The following LEF1 variants were observed in gnomAD, a reference collection of about 807,000 sequenced individuals.
LEF1 encodes lymphoid enhancer-binding factor 1.
LEF1 carries 14 observed loss-of-function variants against 51.2 expected under a neutral mutation model. The observed-to-expected ratio is 0.27, with a 90% CI of 0.18 to 0.43. The LOEUF (loss-of-function observed/expected upper bound fraction) is 0.43. Among genes scored for constraint, LEF1 ranks in the 20% least tolerant of loss-of-function variants. LEF1 has a pLI of 1.00. For synonymous variants in LEF1, 185 were observed against 183.2 expected (o/e 1.01, Z -0.08); for missense variants, 386 against 512.0 (o/e 0.75, Z 2.37).
intron 3 of LEF1, among the ~76,000 whole-genome samples, chr4:108,113,583 C>T (rs1741657825): frequency 6.6e-6 from 1 of 152,202 alleles, no homozygotes; most frequent in Admixed American, 6.5e-5. Context: ...CCCAAGTCTG[C>T]ATCTAGTGCT....
chr4:108,048,617 G>T lies in LEF1; in HGVS notation c.*141C>A. ...CTAGCAGTGACCTCAGGGTAAAATT[G>T]ATGTCAGTGTTCCTTTGGGGTCGAC... On this transcript the variant is annotated 3_prime_UTR_variant, in exon 12 of 12. Coordinates refer to ENST00000265165, the MANE Select transcript of LEF1 (RefSeq NM_016269.5). The T allele has an allele frequency of 8.5e-7, 1 of 1,176,034 alleles. No homozygotes were observed. Among genetic ancestry groups the T allele is most frequent in the Non-Finnish European group, 1.2e-6 (1 of 831,800 alleles). 72.8% of individuals were successfully genotyped at this position (1,176,034 alleles called of 1,614,324 possible). A position where few individuals can be genotyped will look rare whatever the true frequency, so the allele number is the denominator to read the frequency against.
intron 5 of LEF1, among the ~76,000 whole-genome samples, chr4:108,082,566 G>A (rs1226266866): frequency 6.6e-6 from 1 of 152,146 alleles, no homozygotes; most frequent in African/African-American, 2.4e-5. Context: ...GTGGAAAAAG[G>A]AGAGAAACAA....
At chr4:108,096,369 G>GAC (rs1740394078) in intron 3 of LEF1, among the ~76,000 whole-genome samples, 1 of 152,288 alleles carries the variant, frequency 6.6e-6, no homozygotes, top group Admixed American at 6.5e-5. Flanking sequence ...GCAGTGGAAG[G>GAC]ACGTGGGGCA....
At chr4:108,149,458 C>CAAAAAAA (rs371482539) in intron 3 of LEF1, among the ~76,000 whole-genome samples, 8 of 60,598 alleles carry the variant, frequency 1.3e-4, no homozygotes, top group African/African-American at 2.9e-4. Flanking sequence ...GACTCCGTCT[C>CAAAAAAA]AAAAAAAAAA....
At chr4:108,058,018 C>T (rs891081713) in intron 11 of LEF1, among the ~76,000 whole-genome samples, 3 of 151,920 alleles carry the variant, frequency 2.0e-5, no homozygotes, top group African/African-American at 4.8e-5. Context: ...GGATTACAGG[C>T]GCCTGCCACC....
chr4:108,070,932 A>G (rs1738437716), intron 8 of LEF1, 162 bp from the exon 9 acceptor site: 2 of 583,830 alleles, frequency 3.4e-6, no homozygotes, highest in African/African-American at 1.9e-5. Flanking sequence ...ATCTCCTTGG[A>G]GTCTAGTGGC....
At chr4:108,152,730 AGT>A (rs1560826763) in intron 3 of LEF1, among the ~76,000 whole-genome samples, 2 of 152,228 alleles carry the variant, frequency 1.3e-5, no homozygotes, top group African/African-American at 4.8e-5. Context: ...ACCTGCCTGT[AGT>A]GTGTGATTCA....
rs566386564 is a variant in LEF1, at chr4:108,052,294, CA to C, written c.*7-3544del. On this transcript the variant is annotated intron_variant, in intron 11 of 11. Coordinates refer to ENST00000265165, the MANE Select transcript of LEF1 (RefSeq NM_016269.5). ...TCCTTATTCAGAATTGGTGAGGATA[CA>C]AAAAAAGTGAGTTGGAATAAAAGAC... is the stretch of plus-strand genomic sequence containing the variant. 4.4e-3 allele frequency among the ~76,000 whole-genome samples: 664 copies of C among 152,240 alleles called. 1 individual carries two copies. The highest frequency in any genetic ancestry group is 0.01 in the South Asian group (50 of 4,828).
rs189602236 is a variant in LEF1 at position 108,099,725 on chromosome 4, A to G, written c.415-10468T>C. ...GCACCCATCAACCTATATCATCTAC[A>G]TTAGGTATTTCTCCAAATGCTAAAG... On this transcript the variant is annotated intron_variant, in intron 3 of 11. Transcript: ENST00000265165. Among the ~76,000 whole-genome samples the G allele has an allele frequency of 4.8e-3, 726 of 150,634 alleles. 7 individuals are homozygous for G. Among genetic ancestry groups the G allele is most frequent in the African/African-American group, 0.016 (654 of 41,060 alleles).
intron 7 of LEF1, 96 bp from the exon 8 acceptor site, chr4:108,078,478 C>T: frequency 1.3e-6 from 2 of 1,506,992 alleles, no homozygotes; most frequent in Admixed American, 1.7e-5. Flanking sequence ...CACATGGCTA[C>T]ACTCAGGATG....
At chr4:108,065,156 T>C (rs58126563) in intron 9 of LEF1, among the ~76,000 whole-genome samples, 4,097 of 152,324 alleles carry the variant, frequency 0.027, 168 homozygotes, top group African/African-American at 0.093. Flanking sequence ...TACAGTGGTC[T>C]AATTTTCCCT....
intron 11 of LEF1, 56 bp from the exon 12 acceptor site, chr4:108,048,807 T>G: frequency 8.0e-7 from 1 of 1,256,346 alleles, no homozygotes; most frequent in Non-Finnish European, 1.1e-6. Flanking sequence ...GGCCTTAAGA[T>G]TATAACCTCT....
chr4:108,164,995 C>A, intron 2 of LEF1, 102 bp downstream of exon 2: 1 of 931,558 alleles, frequency 1.1e-6, no homozygotes. Context: ...ATAGTCTGAC[C>A]TAGTCCCAGT....
At position 108,149,390 on chromosome 4, in the gene LEF1, C is replaced by T. The variant is rs538614922; in HGVS notation, c.414+14178G>A. Among the ~76,000 whole-genome samples, 479 of 133,720 alleles carry T rather than the reference C, an allele frequency of 3.6e-3. 1 individual carries two copies. Among genetic ancestry groups the T allele is most frequent in the Non-Finnish European group, 5.2e-3 (336 of 64,392 alleles). 87.7% of individuals were successfully genotyped at this position (133,720 alleles called of 152,430 possible). A position where few individuals can be genotyped will look rare whatever the true frequency, so the allele number is the denominator to read the frequency against. ...AGGAGAATGGCGTGAACCCGGGAGG[C>T]GGAGCTTGCAGTGAGCCGAGGTCGT... On this transcript the variant is annotated intron_variant, in intron 3 of 11. Transcript: ENST00000265165.
chr4:108,147,924 A>G (rs906398029), intron 3 of LEF1, among the ~76,000 whole-genome samples: 9 of 152,362 alleles, frequency 5.9e-5, no homozygotes, highest in East Asian at 1.9e-4. Context: ...CAGCCACTAC[A>G]TGACATATGT....
In LEF1 at chr4:108,167,660, C is replaced by T. The variant is rs1442444243; in HGVS notation, c.108G>A (p.Lys36=). The T allele has an allele frequency of 1.2e-6, 2 of 1,614,102 alleles. No individual in the cohort carries two copies. The highest frequency in any genetic ancestry group is 1.7e-6 in the Non-Finnish European group (2 of 1,180,032). ...FKDEGDPQKE[K]IFAEISHPEE... ...CGGGATGACTGATCTCGGCGAAGAT[C>T]TTTTCCTTCTGAGGATCGCCCTCGT... The change falls in exon 1 of 12, where the codon AAG becomes AAA. Residue 36 remains lysine (K), a synonymous_variant. Transcript: ENST00000265165. The surrounding 1 kb of genome is among the most constrained non-coding windows in gnomAD (Gnocchi z 5.7).
At chr4:108,117,043 T>C (rs575501249) in intron 3 of LEF1, among the ~76,000 whole-genome samples, 1 of 152,384 alleles carries the variant, frequency 6.6e-6, no homozygotes, top group South Asian at 2.1e-4. Context: ...TCCTCTTTTC[T>C]GTGAAGAGGT....
rs1745533798 is a variant in LEF1 at position 108,168,105 on chromosome 4, G to T, written c.-338C>A. ...GCGCGCGCTAGACGAGGCTGCCCCG[G>T]CGGCCACCCCGCGACCCCGCGTCGC... is the stretch of plus-strand genomic sequence containing the variant. On this transcript the variant is annotated 5_prime_UTR_variant, in exon 1 of 12. Coordinates refer to ENST00000265165, the MANE Select transcript of LEF1 (RefSeq NM_016269.5). The surrounding 1 kb of genome is among the most constrained non-coding windows in gnomAD (Gnocchi z 4.6). 1 of 153,340 alleles carries T rather than the reference G, an allele frequency of 6.5e-6. No homozygotes were observed. Among genetic ancestry groups the T allele is most frequent in the Non-Finnish European group, 1.5e-5 (1 of 68,862 alleles). 9.5% of individuals were successfully genotyped at this position (153,340 alleles called of 1,614,324 possible). A position where few individuals can be genotyped will look rare whatever the true frequency, so the allele number is the denominator to read the frequency against.
rs368230591 is a variant in LEF1, at chr4:108,123,052, C to A, written c.415-33795G>T. 4.6e-5 allele frequency among the ~76,000 whole-genome samples: 7 copies of A among 152,014 alleles called. No homozygotes were observed. The East Asian group carries it at 7.7e-4, about 17-fold the overall frequency. On this transcript the variant is annotated intron_variant, in intron 3 of 11. Coordinates refer to ENST00000265165, the MANE Select transcript of LEF1 (RefSeq NM_016269.5). Reference sequence around the variant, plus strand: ...GTGTTGTGATTTTCTATTCTTTTTTCTTTTTCTTTACTGTAAGTGTCCATT... The same window carrying A: ...GTGTTGTGATTTTCTATTCTTTTTTATTTTTCTTTACTGTAAGTGTCCATT...
Sources: gnomAD v4.1 joint callset for allele counts (sites outside exome capture counted in the v4.1 genomes callset) on GRCh38, gnomAD v4.1.1 for gene constraint, Gnocchi (gnomAD v3.1) non-coding constraint, MANE v1.5 for transcripts, NCBI Gene and HGNC (gene_info 2026-07-23, HGNC 2026-07-21) for gene names.